The following C14orf132 variants were observed in gnomAD, a reference collection of about 807,000 sequenced individuals.
C14orf132 encodes the protein chromosome 14 open reading frame 132.
C14orf132 carries 6 observed loss-of-function variants against 5.8 expected under a neutral mutation model. The observed-to-expected ratio is 1.03, with a 90% CI of 0.57 to 2.04. The LOEUF is 2.04. Ranked by LOEUF, C14orf132 falls within the 30% of genes most tolerant of loss-of-function variation. The probability of loss-of-function intolerance (pLI) is 0.00; values close to 1 mark genes in which losing one functional copy is unlikely to be tolerated. For synonymous variants in C14orf132, 51 were observed against 49.8 expected (o/e 1.02, Z -0.10); for missense variants, 125 against 115.8 (o/e 1.08, Z -0.37).
chr14:96,052,714 G>T (rs148991022), intron 1 of C14orf132, among the ~76,000 whole-genome samples: 2 of 150,610 alleles, frequency 1.3e-5, no homozygotes, highest in South Asian at 4.2e-4. Flanking sequence ...CTTGCCCCAC[G>T]TCCTCAAACT....
chr14:96,073,828 A>G (rs189024541), intron 1 of C14orf132, among the ~76,000 whole-genome samples: 69 of 152,382 alleles, frequency 4.5e-4, no homozygotes, highest in African/African-American at 1.4e-3. Context: ...AAAATGTGGT[A>G]CATATATGCC....
At chr14:96,044,331 G>A (rs2139640994) in intron 1 of C14orf132, among the ~76,000 whole-genome samples, 1 of 152,262 alleles carries the variant, frequency 6.6e-6, no homozygotes, top group East Asian at 1.9e-4. Flanking sequence ...ATGCCACCAT[G>A]GCTGGCTAGT....
intron 1 of C14orf132, among the ~76,000 whole-genome samples, chr14:96,062,763 G>A (rs763539102): frequency 6.6e-5 from 10 of 152,138 alleles, no homozygotes; most frequent in African/African-American, 9.7e-5. Context: ...GGATTAAAGC[G>A]CTGTCTTCAC....
intron 1 of C14orf132, among the ~76,000 whole-genome samples, chr14:96,084,816 C>T (rs1168675049): frequency 6.6e-6 from 1 of 152,114 alleles, no homozygotes; most frequent in Non-Finnish European, 1.5e-5. Context: ...AAGGACAGCA[C>T]CATGTTAGGA....
At chr14:96,043,418 CG>C (rs2139639718) in intron 1 of C14orf132, among the ~76,000 whole-genome samples, 1 of 152,262 alleles carries the variant, frequency 6.6e-6, no homozygotes, top group African/African-American at 2.4e-5. Flanking sequence ...GTTCTTATGG[CG>C]TAACTCTCCT....
At chr14:96,080,059 C>T (rs1297738585) in intron 1 of C14orf132, among the ~76,000 whole-genome samples, 1 of 152,188 alleles carries the variant, frequency 6.6e-6, no homozygotes, top group African/African-American at 2.4e-5. Context: ...AAGTAGGCAT[C>T]TTAAATTTTG....
At chr14:96,063,963 T>C (rs1458616531) in intron 1 of C14orf132, among the ~76,000 whole-genome samples, 2 of 151,988 alleles carry the variant, frequency 1.3e-5, no homozygotes, top group Non-Finnish European at 2.9e-5. Flanking sequence ...CCAACAAACA[T>C]ATGAAAAAAT....
At position 96,086,848 on chromosome 14, in the gene C14orf132, G is replaced by A. The variant is rs1410271328; in HGVS notation, c.*113G>A. ...ACCAGGAGTTTTGACCAGGGGCGGCGGCCGTCCTTCTGGAATTTCTCCCCA... is the reference window on the plus strand; with the variant it reads ...ACCAGGAGTTTTGACCAGGGGCGGCAGCCGTCCTTCTGGAATTTCTCCCCA... On this transcript the variant is annotated 3_prime_UTR_variant, in exon 2 of 2. Coordinates refer to ENST00000555004, the MANE Select transcript of C14orf132 (RefSeq NM_001252507.3). The A allele has an allele frequency of 7.5e-5, 80 of 1,070,184 alleles. No homozygotes were observed. In the Middle Eastern group the frequency reaches 1.8e-3, roughly 25 times the overall value. 66.3% of individuals were successfully genotyped at this position (1,070,184 alleles called of 1,614,324 possible).
chr14:96,052,961 G>T (rs757470146), intron 1 of C14orf132, among the ~76,000 whole-genome samples: 4 of 152,124 alleles, frequency 2.6e-5, no homozygotes, highest in Non-Finnish European at 4.4e-5. Context: ...TAAACCTCTG[G>T]ACTTCTCTGT....
At chr14:96,069,179 GTA>G (rs527543816) in intron 1 of C14orf132, among the ~76,000 whole-genome samples, 4,393 of 48,750 alleles carry the variant, frequency 0.09, 365 homozygotes, top group African/African-American at 0.21. Context: ...ATATATATAT[GTA>G]TATATATATA....
intron 1 of C14orf132, among the ~76,000 whole-genome samples, chr14:96,040,577 C>T (rs934257767): frequency 4.1e-4 from 62 of 152,122 alleles, no homozygotes; most frequent in African/African-American, 1.5e-3. Context: ...GTAGTGGAAG[C>T]CTGTTTAAAA....
rs1013612761 is a variant in C14orf132 at position 96,092,944 on chromosome 14, C to G, written c.*6209C>G. 6.6e-6 allele frequency: 1 copy of G among 152,214 alleles called. No homozygotes were observed. Among genetic ancestry groups the G allele is most frequent in the African/African-American group, 2.4e-5 (1 of 41,434 alleles). The allele number at this position is 152,214 out of a possible 1,614,324, so 9.4% of individuals were successfully genotyped here. ...TCCTACAATGCACAGGGCAGCCCCCCACAAATAAGAATTATCCAGCCCCAA... is the reference window on the plus strand; with the variant it reads ...TCCTACAATGCACAGGGCAGCCCCCGACAAATAAGAATTATCCAGCCCCAA... On this transcript the variant is annotated 3_prime_UTR_variant, in exon 2 of 2. Transcript: ENST00000555004.
rs936552080 is a variant in C14orf132, at chr14:96,039,916, C to T, written c.27+389C>T. ...ACCCGCGCGAACGTGGATGGGCACA[C>T]AGTCTCGCCCTTCCCCACTCTGTTT... is the stretch of plus-strand genomic sequence containing the variant. On this transcript the variant is annotated intron_variant, in intron 1 of 1. Coordinates refer to ENST00000555004, the MANE Select transcript of C14orf132 (RefSeq NM_001252507.3). This position sits in a 1 kb window ranked among gnomAD's most constrained non-coding sequence, Gnocchi z 5.3. 3.9e-5 allele frequency among the ~76,000 whole-genome samples: 6 copies of T among 152,214 alleles called. No homozygotes were observed. The highest frequency in any genetic ancestry group is 8.8e-5 in the Non-Finnish European group (6 of 68,030).
intron 1 of C14orf132, among the ~76,000 whole-genome samples, chr14:96,054,001 C>G (rs750674179): frequency 3.9e-5 from 6 of 152,020 alleles, no homozygotes; most frequent in Non-Finnish European, 7.4e-5. Context: ...CTCTCTAGGG[C>G]CTGGCTGGTG....
Position 96,092,614 on chromosome 14 carries a change from T to C in C14orf132, c.*5879T>C, listed in dbSNP as rs1360675796. On this transcript the variant is annotated 3_prime_UTR_variant, in exon 2 of 2. Coordinates refer to ENST00000555004, the MANE Select transcript of C14orf132 (RefSeq NM_001252507.3). ...AGCGTTGTCCCAACAATGCAGATGGTTCTGACAAGGGCTCTATATGCTGGC... is the reference window on the plus strand; with the variant it reads ...AGCGTTGTCCCAACAATGCAGATGGCTCTGACAAGGGCTCTATATGCTGGC... The C allele has an allele frequency of 6.6e-6, 1 of 151,410 alleles. No homozygotes were observed. The highest frequency in any genetic ancestry group is 6.6e-5 in the Admixed American group (1 of 15,170). The allele number at this position is 151,410 out of a possible 1,614,324, so 9.4% of individuals were successfully genotyped here. A position where few individuals can be genotyped will look rare whatever the true frequency, so the allele number is the denominator to read the frequency against.
intron 1 of C14orf132, among the ~76,000 whole-genome samples, chr14:96,057,480 G>A (rs143617179): frequency 4.6e-5 from 7 of 152,258 alleles, no homozygotes; most frequent in African/African-American, 7.2e-5. Context: ...AACGAAGACC[G>A]GTTCCAATGG....
rs924706291 is a variant in C14orf132, at chr14:96,089,549, G to A, written c.*2814G>A. 3 of 152,550 alleles carry A rather than the reference G, an allele frequency of 2.0e-5. No individual in the cohort carries two copies. The highest frequency in any genetic ancestry group is 4.8e-5 in the African/African-American group (2 of 41,572). 9.4% of individuals were successfully genotyped at this position (152,550 alleles called of 1,614,324 possible). On this transcript the variant is annotated 3_prime_UTR_variant, in exon 2 of 2. Transcript: ENST00000555004. ...TTACACAAGGCCCTGAATCTGCAGA[G>A]GCTGTTTCTCAAGATGCCCGTCATG... is the stretch of plus-strand genomic sequence containing the variant.
At chr14:96,057,948 A>G (rs1322479882) in intron 1 of C14orf132, among the ~76,000 whole-genome samples, 1 of 152,210 alleles carries the variant, frequency 6.6e-6, no homozygotes, top group African/African-American at 2.4e-5. Flanking sequence ...CACCATAACC[A>G]TAACTGACCA....
At chr14:96,048,283 C>T (rs1273289006) in intron 1 of C14orf132, among the ~76,000 whole-genome samples, 2 of 152,132 alleles carry the variant, frequency 1.3e-5, no homozygotes, top group East Asian at 1.9e-4. Context: ...AGTATAATGA[C>T]GTGGATCCAC....
Sources: gnomAD v4.1 joint callset for allele counts (sites outside exome capture counted in the v4.1 genomes callset) on GRCh38, gnomAD v4.1.1 for gene constraint, Gnocchi (gnomAD v3.1) non-coding constraint, MANE v1.5 for transcripts, NCBI Gene and HGNC (gene_info 2026-07-23, HGNC 2026-07-21) for gene names.